NDUFA12: variants seen among roughly 807,000 people sequenced by gnomAD.
NDUFA12 encodes the protein NADH dehydrogenase [ubiquinone] 1 alpha subcomplex subunit 12.
In NDUFA12, 17 loss-of-function variants were observed where a neutral mutation model predicts 20.3. The observed-to-expected ratio is 0.84, with a 90% CI of 0.57 to 1.26. NDUFA12 has a LOEUF of 1.26. Ranked by LOEUF, NDUFA12 falls within the 50% of genes most tolerant of loss-of-function variation. The pLI, the probability that NDUFA12 is intolerant of heterozygous loss-of-function variation, is 0.00. For synonymous variants in NDUFA12, 72 were observed against 63.6 expected, an observed-to-expected ratio of 1.13 and a Z score of -0.63; for missense variants, 191 against 183.7, an observed-to-expected ratio of 1.04 and a Z score of -0.23.
intron 3 of NDUFA12, among the ~76,000 whole-genome samples, chr12:94,980,022 T>C (rs180942546): frequency 1.3e-5 from 2 of 152,300 alleles, no homozygotes; most frequent in South Asian, 2.1e-4. Flanking sequence ...GACATTTTTC[T>C]GTCATCATCT....
intron 3 of NDUFA12, among the ~76,000 whole-genome samples, chr12:94,980,634 T>A (rs571594642): frequency 6.6e-6 from 1 of 152,264 alleles, no homozygotes; most frequent in South Asian, 2.1e-4. Context: ...TTTTAAATGA[T>A]GTATTTATGT....
chr12:95,002,437 C>CAAAA lies in NDUFA12; in HGVS notation c.169+298_169+301dup, dbSNP rs71075895. Among the ~76,000 whole-genome samples, 38 of 63,608 alleles carry CAAAA rather than the reference C, an allele frequency of 6.0e-4. 1 individual carries two copies. Among genetic ancestry groups the CAAAA allele is most frequent in the South Asian group, 2.3e-3 (3 of 1,326 alleles). 41.7% of individuals were successfully genotyped at this position (63,608 alleles called of 152,430 possible). On this transcript the variant is annotated intron_variant, in intron 2 of 3. Transcript: ENST00000327772. ...AGCCTGGCCGACAGAGACTCCATCT[C>CAAAA]AAAAAAAAAAAAAAAAAAAAAAAAA... is the stretch of plus-strand genomic sequence containing the variant.
At position 94,994,177 on chromosome 12, in the gene NDUFA12, G is replaced by A; in HGVS notation, c.250C>T (p.Pro84Ser). Residue 84 changes from proline to serine, a missense_variant, in exon 3 of 4, where the codon CCT becomes TCT. By Grantham distance (74) the Pro-to-Ser change is moderately conservative. Transcript: ENST00000327772. The stretch of plus-strand genomic sequence containing the variant: ...AATGTTGTCTTAGCTTACCATTCAG[G>A]AGGCACCATGCTTCCATCCACATCC... The part of the protein sequence containing the change: ...FWDVDGSMVP[P>S]EWHRWLHSMT... The A allele has an allele frequency of 6.2e-7, 1 of 1,613,754 alleles. No homozygotes were observed. Among genetic ancestry groups the A allele is most frequent in the South Asian group, 1.1e-5 (1 of 91,074 alleles).
intron 2 of NDUFA12, among the ~76,000 whole-genome samples, chr12:95,001,862 A>T (rs575076838): frequency 1.3e-5 from 2 of 151,830 alleles, no homozygotes; most frequent in Non-Finnish European, 2.9e-5. Context: ...ACGCCACCAC[A>T]TCCAGCTAAT....
At chr12:94,990,067 G>A (rs925019741) in intron 3 of NDUFA12, among the ~76,000 whole-genome samples, 1 of 152,046 alleles carries the variant, frequency 6.6e-6, no homozygotes, top group African/African-American at 2.4e-5. Flanking sequence ...CTAACATATA[G>A]AATGCCCCTT....
intron 3 of NDUFA12, among the ~76,000 whole-genome samples, chr12:94,984,470 G>A (rs918323435): frequency 5.9e-5 from 9 of 151,654 alleles, no homozygotes; most frequent in Non-Finnish European, 1.0e-4. Flanking sequence ...CGGAGGTTGC[G>A]GTTGAGCTGA....
At chr12:94,998,214 A>G (rs769903090) in intron 2 of NDUFA12, among the ~76,000 whole-genome samples, 1 of 152,346 alleles carries the variant, frequency 6.6e-6, no homozygotes, top group South Asian at 2.1e-4. Context: ...ACATAAATAG[A>G]ATTAAAAATA....
rs1873878753 is a variant in NDUFA12 at position 94,971,340 on chromosome 12, A to G, written c.*100T>C. On this transcript the variant is annotated 3_prime_UTR_variant, in exon 4 of 4. Coordinates refer to ENST00000327772, the MANE Select transcript of NDUFA12 (RefSeq NM_018838.5). ...AAGGCACGAAAGACATTGTTTAGTC[A>G]CACAATTTTAATTGTGAATTATAGT... is the stretch of plus-strand genomic sequence containing the variant. The G allele has an allele frequency of 7.3e-7, 1 of 1,362,730 alleles. No individual in the cohort carries two copies. The highest frequency in any genetic ancestry group is 1.0e-6 in the Non-Finnish European group (1 of 958,126). 84.4% of individuals were successfully genotyped at this position (1,362,730 alleles called of 1,614,324 possible). A position where few individuals can be genotyped will look rare whatever the true frequency, so the allele number is the denominator to read the frequency against.
chr12:95,002,314 G>A (rs1875070141), intron 2 of NDUFA12, among the ~76,000 whole-genome samples: 2 of 151,342 alleles, frequency 1.3e-5, no homozygotes, highest in Admixed American at 6.6e-5. Flanking sequence ...GGTGGCGCCC[G>A]CCTGTGGTCC....
chr12:95,001,448 C>T (rs992532714), intron 2 of NDUFA12, among the ~76,000 whole-genome samples: 1 of 151,900 alleles, frequency 6.6e-6, no homozygotes, highest in East Asian at 1.9e-4. Flanking sequence ...AGCAAGACCT[C>T]GTCTCTCCAA....
chr12:94,999,060 T>A (rs4923651), intron 2 of NDUFA12, among the ~76,000 whole-genome samples: 135,754 of 152,222 alleles, frequency 0.89, 60,799 homozygotes, highest in African/African-American at 0.97. Context: ...ATCTAGAGAC[T>A]TCACATTACC....
intron 2 of NDUFA12, among the ~76,000 whole-genome samples, chr12:95,000,893 A>G (rs965556050): frequency 8.5e-5 from 13 of 152,276 alleles, no homozygotes; most frequent in African/African-American, 3.1e-4. Flanking sequence ...ACACGTATAC[A>G]TATGTAACAA....
At chr12:94,998,606 A>G (rs1592706607) in intron 2 of NDUFA12, among the ~76,000 whole-genome samples, 2 of 152,230 alleles carry the variant, frequency 1.3e-5, no homozygotes, top group East Asian at 3.8e-4. Flanking sequence ...AAAAGCTCCT[A>G]GACCTGATAA....
intron 2 of NDUFA12, among the ~76,000 whole-genome samples, chr12:95,002,000 G>A (rs1875056063): frequency 6.6e-6 from 1 of 151,708 alleles, no homozygotes; most frequent in Admixed American, 6.6e-5. Flanking sequence ...ACCGCGCCCA[G>A]CCGAATTAAT....
At chr12:94,982,275 CT>C (rs201781364) in intron 3 of NDUFA12, among the ~76,000 whole-genome samples, 18 of 135,672 alleles carry the variant, frequency 1.3e-4, no homozygotes, top group South Asian at 2.4e-4. Flanking sequence ...TTTTTCTTTT[CT>C]TTTTTTTTTT....
At chr12:95,001,228 C>T (rs1476644548) in intron 2 of NDUFA12, among the ~76,000 whole-genome samples, 1 of 152,150 alleles carries the variant, frequency 6.6e-6, no homozygotes, top group African/African-American at 2.4e-5. Context: ...AAGGCTAGAA[C>T]CCAGGAGGTC....
intron 3 of NDUFA12, among the ~76,000 whole-genome samples, chr12:94,986,490 TTTAC>T (rs1260687536): frequency 6.6e-6 from 1 of 152,226 alleles, no homozygotes; most frequent in Non-Finnish European, 1.5e-5. Context: ...AGGTAATTGA[TTTAC>T]TAATTGGCTT....
chr12:94,987,791 C>CAA (rs61711763), intron 3 of NDUFA12, among the ~76,000 whole-genome samples: 74 of 69,312 alleles, frequency 1.1e-3, no homozygotes, highest in African/African-American at 3.3e-3. Flanking sequence ...GACATTGTCT[C>CAA]AAAAAAAAAA....
chr12:94,985,647 A>AT (rs59520700), intron 3 of NDUFA12, among the ~76,000 whole-genome samples: 94 of 150,872 alleles, frequency 6.2e-4, no homozygotes, highest in African/African-American at 2.2e-3. Context: ...AAAAAAAAAA[A>AT]GCGGTTGGCA....
Sources: allele counts gnomAD v4.1 joint callset (sites outside exome capture counted in the v4.1 genomes callset), GRCh38; gene constraint gnomAD v4.1.1; transcripts MANE v1.5; gene names NCBI Gene and HGNC (gene_info 2026-07-23, HGNC 2026-07-21).